SRBD1: variants seen among roughly 807,000 people sequenced by gnomAD.
SRBD1 encodes the protein S1 RNA binding domain 1.
In SRBD1, 88 loss-of-function variants were observed where a neutral mutation model predicts 115.3. The ratio of observed to expected loss-of-function variants is 0.76; its 90% CI spans 0.64 to 0.91. SRBD1 has a LOEUF of 0.91. SRBD1 is among the 40% of genes least tolerant of loss of function. The probability of loss-of-function intolerance (pLI) is 0.00; values close to 1 mark genes in which losing one functional copy is unlikely to be tolerated. For synonymous variants in SRBD1, 509 were observed against 407.7 expected, an observed-to-expected ratio of 1.25 and a Z score of -2.99; for missense variants, 1,385 against 1,177.4, an observed-to-expected ratio of 1.18 and a Z score of -2.58.
chr2:45,524,467 T>C (rs1029162415), intron 14 of SRBD1, among the ~76,000 whole-genome samples: 2 of 151,722 alleles, frequency 1.3e-5, no homozygotes, highest in African/African-American at 4.8e-5. Context: ...AGATAAAATA[T>C]CAATTATAAA....
rs957365375 is a variant in SRBD1, at chr2:45,584,362, T to G, written c.815+1246A>C. On this transcript the variant is annotated intron_variant, in intron 5 of 20. Transcript: ENST00000263736. ...AGCCTGGCTCTGGAACATTTGCATC[T>G]GAGACTATTTGATTTAGTCATTTAT... 5.3e-5 allele frequency among the ~76,000 whole-genome samples: 8 copies of G among 152,222 alleles called. No individual in the cohort carries two copies. In the East Asian group the frequency reaches 1.5e-3, roughly 29 times the overall value.
chr2:45,418,555 AT>A lies in SRBD1; in HGVS notation c.2157-15del. The A allele has an allele frequency of 6.3e-7, 1 of 1,589,816 alleles. No homozygotes were observed. Among genetic ancestry groups the A allele is most frequent in the South Asian group, 1.2e-5 (1 of 86,906 alleles). On this transcript the variant is annotated splice_polypyrimidine_tract_variant and intron_variant, in intron 17 of 20. Coordinates refer to ENST00000263736, the MANE Select transcript of SRBD1 (RefSeq NM_018079.5). Reference sequence around the variant, plus strand: ...CCTGCAATATGCCTAGAAAAAAAAAATAAGCAAACTGAAAAAAAGATCTCAT... The same window carrying A: ...CCTGCAATATGCCTAGAAAAAAAAAAAAGCAAACTGAAAAAAAGATCTCAT...
intron 16 of SRBD1, among the ~76,000 whole-genome samples, chr2:45,427,929 C>G (rs1056147306): frequency 6.6e-6 from 1 of 152,102 alleles, no homozygotes; most frequent in East Asian, 1.9e-4. Context: ...CTGTCAATAT[C>G]AGACAGATGA....
At chr2:45,494,919 C>T (rs1363104512) in intron 14 of SRBD1, among the ~76,000 whole-genome samples, 1 of 152,060 alleles carries the variant, frequency 6.6e-6, no homozygotes, top group Non-Finnish European at 1.5e-5. Flanking sequence ...CAATTACCAG[C>T]GTTTTGTTTT....
intron 7 of SRBD1, among the ~76,000 whole-genome samples, 193 bp downstream of exon 7, chr2:45,579,682 C>T (rs1027487288): frequency 6.6e-6 from 1 of 151,896 alleles, no homozygotes; most frequent in Non-Finnish European, 1.5e-5. Context: ...AAGACTAGAA[C>T]AGGCACTTCA....
At chr2:45,482,527 G>A (rs1669996305) in intron 15 of SRBD1, among the ~76,000 whole-genome samples, 2 of 151,672 alleles carry the variant, frequency 1.3e-5, no homozygotes, top group Non-Finnish European at 2.9e-5. Flanking sequence ...AAATTACAGA[G>A]ATTTTACGTA....
At chr2:45,443,311 A>G (rs1668725735) in intron 16 of SRBD1, among the ~76,000 whole-genome samples, 1 of 152,296 alleles carries the variant, frequency 6.6e-6, no homozygotes, top group African/African-American at 2.4e-5. Flanking sequence ...AGAATGATGA[A>G]GCAAAAGGAA....
chr2:45,420,931 G>C (rs1251542473), intron 16 of SRBD1, among the ~76,000 whole-genome samples: 1 of 152,164 alleles, frequency 6.6e-6, no homozygotes, highest in African/African-American at 2.4e-5. Flanking sequence ...TGTTACATAT[G>C]TATACATGTG....
At chr2:45,415,545 T>C (rs1195796056) in intron 18 of SRBD1, among the ~76,000 whole-genome samples, 1 of 145,628 alleles carries the variant, frequency 6.9e-6, no homozygotes, top group African/African-American at 2.5e-5. Context: ...TATATACACA[T>C]GCATATAGTC....
intron 19 of SRBD1, among the ~76,000 whole-genome samples, chr2:45,406,041 G>C (rs1048466240): frequency 1.3e-5 from 2 of 152,098 alleles, no homozygotes; most frequent in Non-Finnish European, 2.9e-5. Flanking sequence ...AAAGATACAA[G>C]AGACAGTTAG....
At chr2:45,492,350 A>G (rs1473195196) in intron 14 of SRBD1, among the ~76,000 whole-genome samples, 2 of 152,232 alleles carry the variant, frequency 1.3e-5, no homozygotes, top group Non-Finnish European at 2.9e-5. Context: ...TTCTGACCAT[A>G]AGGAATGTTA....
At chr2:45,419,991 A>T in intron 16 of SRBD1, 97 bp from the exon 17 acceptor site, 1 of 1,078,050 alleles carries the variant, frequency 9.3e-7, no homozygotes, top group Non-Finnish European at 1.4e-6. Context: ...GCTAACACAC[A>T]CCATGGTAAA....
At chr2:45,527,411 G>C (rs1338355420) in intron 14 of SRBD1, among the ~76,000 whole-genome samples, 1 of 151,796 alleles carries the variant, frequency 6.6e-6, no homozygotes, top group East Asian at 1.9e-4. Context: ...ATGAGGGTGA[G>C]ATTAATTCTA....
intron 19 of SRBD1, among the ~76,000 whole-genome samples, chr2:45,406,094 C>T (rs146283658): frequency 3.9e-5 from 6 of 152,150 alleles, no homozygotes; most frequent in African/African-American, 7.2e-5. Context: ...CTTATTCATT[C>T]GGCTGCCACT....
At chr2:45,519,726 C>T (rs1671224170) in intron 14 of SRBD1, among the ~76,000 whole-genome samples, 1 of 152,020 alleles carries the variant, frequency 6.6e-6, no homozygotes. Flanking sequence ...ATTTTAGTTT[C>T]AAGAAATCTT....
At chr2:45,586,604 G>A (rs1673530656) in intron 4 of SRBD1, among the ~76,000 whole-genome samples, 2 of 151,786 alleles carry the variant, frequency 1.3e-5, no homozygotes, top group Admixed American at 6.6e-5. Flanking sequence ...GGAGTGCAGT[G>A]GCACAACTGT....
intron 1 of SRBD1, among the ~76,000 whole-genome samples, chr2:45,609,547 T>G (rs1477887418): frequency 6.6e-6 from 1 of 152,234 alleles, no homozygotes; most frequent in Non-Finnish European, 1.5e-5. Flanking sequence ...TCAAGCCACA[T>G]TTTTATGAGG....
intron 19 of SRBD1, among the ~76,000 whole-genome samples, chr2:45,402,163 G>A (rs1572596225): frequency 6.6e-6 from 1 of 152,084 alleles, no homozygotes; most frequent in African/African-American, 2.4e-5. Flanking sequence ...TTAGCTCAGG[G>A]CACCAGTTAG....
chr2:45,558,336 CT>C (rs919659766), intron 10 of SRBD1, among the ~76,000 whole-genome samples: 2 of 152,046 alleles, frequency 1.3e-5, no homozygotes, highest in African/African-American at 4.8e-5. Context: ...AAAAAATTTC[CT>C]TAGATACGTT....
Sources: allele counts gnomAD v4.1 joint callset (sites outside exome capture counted in the v4.1 genomes callset), GRCh38; gene constraint gnomAD v4.1.1; transcripts MANE v1.5; gene names NCBI Gene and HGNC (gene_info 2026-07-23, HGNC 2026-07-21).